The following KAZN variants were observed in gnomAD, a reference collection of about 807,000 sequenced individuals.
KAZN encodes the protein kazrin.
Under a neutral mutation model 87.4 loss-of-function variants are expected in KAZN, and 40 were observed. That is an observed-to-expected ratio of 0.46 (90% CI 0.36 to 0.60). The LOEUF is 0.60. KAZN is among the 20% of genes least tolerant of loss of function. The pLI is 0.00. For missense variants in KAZN, 898 were observed against 1,073.9 expected (o/e 0.84, Z 2.29); for synonymous variants, 466 against 458.3 (o/e 1.02, Z -0.22).
intron 1 of KAZN, among the ~76,000 whole-genome samples, chr1:14,088,965 T>G (rs972353446): frequency 3.3e-5 from 5 of 151,568 alleles, no homozygotes; most frequent in Admixed American, 3.3e-4. Context: ...ATTTTTTTTT[T>G]TTTGATTAGT....
At chr1:14,026,948 A>G (rs1433991564) in intron 1 of KAZN, among the ~76,000 whole-genome samples, 1 of 152,072 alleles carries the variant, frequency 6.6e-6, no homozygotes, top group Non-Finnish European at 1.5e-5. Context: ...GGGCTGGAGG[A>G]GAGACAGGTG....
chr1:14,117,398 G>C (rs564882803), intron 1 of KAZN, among the ~76,000 whole-genome samples: 26 of 152,274 alleles, frequency 1.7e-4, no homozygotes, highest in Middle Eastern at 3.4e-3. Flanking sequence ...TTCTTCTGTT[G>C]ACTGCTGCTA....
chr1:14,299,595 C>T lies in KAZN; in HGVS notation c.249+119003C>T, dbSNP rs567586164. 4.3e-4 allele frequency among the ~76,000 whole-genome samples: 65 copies of T among 152,318 alleles called. 1 individual carries two copies. The South Asian group carries it at 8.5e-3, about 20-fold the overall frequency. On this transcript the variant is annotated intron_variant, in intron 2 of 16. Transcript: ENST00000636203. ...GGAATAATGCTGTATACGAACCATT[C>T]TAAAAGCCCAGGAGCTTGCAACAGC...
chr1:14,937,980 A>G (rs1202176586), intron 1 of KAZN, among the ~76,000 whole-genome samples: 1 of 152,200 alleles, frequency 6.6e-6, no homozygotes, highest in Non-Finnish European at 1.5e-5. Flanking sequence ...GGTGGTATTT[A>G]GGGCGTTTTA....
intron 2 of KAZN, among the ~76,000 whole-genome samples, chr1:14,576,800 A>G (rs966739038): frequency 2.7e-5 from 4 of 150,058 alleles, no homozygotes; most frequent in African/African-American, 7.3e-5. Flanking sequence ...TACCAAAAAA[A>G]AAGGAAAAAA....
At chr1:15,022,568 C>T (rs1051393622) in intron 2 of KAZN, among the ~76,000 whole-genome samples, 1 of 152,172 alleles carries the variant, frequency 6.6e-6, no homozygotes, top group African/African-American at 2.4e-5. Context: ...CTCCCTCTTC[C>T]GTGGACACTC....
intron 2 of KAZN, among the ~76,000 whole-genome samples, chr1:14,271,366 G>C (rs1023209077): frequency 6.6e-6 from 1 of 152,230 alleles, no homozygotes; most frequent in Admixed American, 6.5e-5. Context: ...CTTATACACT[G>C]TGAGGCTGTG....
At chr1:14,651,590 T>C (rs1314027390) in intron 1 of KAZN, among the ~76,000 whole-genome samples, 2 of 152,204 alleles carry the variant, frequency 1.3e-5, no homozygotes, top group Non-Finnish European at 2.9e-5. Context: ...AATCACCTGG[T>C]ACAAAACCAT....
At chr1:14,060,440 A>G (rs1642750806) in intron 1 of KAZN, among the ~76,000 whole-genome samples, 1 of 152,038 alleles carries the variant, frequency 6.6e-6, no homozygotes, top group Non-Finnish European at 1.5e-5. Flanking sequence ...AGATGTTCCA[A>G]CTGGTTCTAG....
chr1:14,948,927 C>T (rs539577344), intron 1 of KAZN, among the ~76,000 whole-genome samples: 4 of 152,180 alleles, frequency 2.6e-5, no homozygotes, highest in East Asian at 3.9e-4. Context: ...GAGGCTGAGG[C>T]GAGCAGATCA....
intron 3 of KAZN, among the ~76,000 whole-genome samples, chr1:15,041,462 C>T (rs373594186): frequency 6.6e-5 from 10 of 151,498 alleles, no homozygotes; most frequent in South Asian, 2.1e-4. Flanking sequence ...CTCAGCCTCC[C>T]GAGTAGCTGG....
chr1:14,293,849 T>C (rs577449545), intron 2 of KAZN, among the ~76,000 whole-genome samples: 5 of 152,236 alleles, frequency 3.3e-5, no homozygotes, highest in Admixed American at 2.6e-4. Flanking sequence ...CCAAGGTGGT[T>C]AGCCTTTGGG....
intron 2 of KAZN, among the ~76,000 whole-genome samples, chr1:14,407,587 G>C (rs754514131): frequency 6.6e-6 from 1 of 152,168 alleles, no homozygotes; most frequent in Non-Finnish European, 1.5e-5. Context: ...GCCTCTCCCT[G>C]TCCACAACCT....
intron 1 of KAZN, among the ~76,000 whole-genome samples, chr1:14,646,165 C>A (rs538518400): frequency 1.3e-5 from 2 of 152,236 alleles, no homozygotes; most frequent in Admixed American, 6.5e-5. Context: ...CCGGCCATAT[C>A]CTGACTGAGT....
At chr1:14,659,249 T>TAATA (rs572352784) in intron 1 of KAZN, among the ~76,000 whole-genome samples, 2,406 of 151,662 alleles carry the variant, frequency 0.016, 22 homozygotes, top group Non-Finnish European at 0.026. Context: ...AAAATAAAAA[T>TAATA]AATAAATAAA....
rs1655478588 is a variant in KAZN, at chr1:14,898,282, G to C, written c.227-62402G>C. The stretch of plus-strand genomic sequence containing the variant: ...ACCATAATAAGTGCCACAGAAAGGA[G>C]AGCAGGGGCAGTGTTCAACAGAGGG... On this transcript the variant is annotated intron_variant, in intron 1 of 14. Coordinates refer to ENST00000376030, the MANE Select transcript of KAZN (RefSeq NM_201628.3). Among the ~76,000 whole-genome samples, 6 of 152,338 alleles carry C rather than the reference G, an allele frequency of 3.9e-5. No individual in the cohort carries two copies. In the South Asian group the frequency reaches 1.2e-3, roughly 32 times the overall value.
At chr1:14,706,503 AT>A (rs1233736597) in intron 1 of KAZN, among the ~76,000 whole-genome samples, 2 of 152,180 alleles carry the variant, frequency 1.3e-5, no homozygotes, top group East Asian at 3.8e-4. Context: ...CAAAAAAAAA[AT>A]AAAGATTTGA....
At chr1:14,355,358 C>T (rs1658924395) in intron 2 of KAZN, among the ~76,000 whole-genome samples, 1 of 151,924 alleles carries the variant, frequency 6.6e-6, no homozygotes, top group Admixed American at 6.6e-5. Context: ...CAAATAAATA[C>T]AAAATTATAA....
chr1:14,340,535 T>G (rs934935537), intron 2 of KAZN, among the ~76,000 whole-genome samples: 1 of 152,232 alleles, frequency 6.6e-6, no homozygotes, highest in African/African-American at 2.4e-5. Context: ...GAGATTATTT[T>G]TCTTCTGTAA....
Sources: allele counts gnomAD v4.1 joint callset (sites outside exome capture counted in the v4.1 genomes callset), GRCh38; gene constraint gnomAD v4.1.1; transcripts MANE v1.5; gene names NCBI Gene and HGNC (gene_info 2026-07-23, HGNC 2026-07-21).